TCHP: variants seen among roughly 807,000 people sequenced by gnomAD.
TCHP encodes trichoplein keratin filament-binding protein.
In TCHP, 81 loss-of-function variants were observed where a neutral mutation model predicts 88.7. The ratio of observed to expected loss-of-function variants is 0.91; its 90% CI spans 0.76 to 1.10. The LOEUF (loss-of-function observed/expected upper bound fraction) is 1.10. Ranked by LOEUF, TCHP falls within the 50% of genes least tolerant of loss-of-function variation. The pLI is 0.00. For missense variants in TCHP, 641 were observed against 632.1 expected, an observed-to-expected ratio of 1.01 and a Z score of -0.15; for synonymous variants, 232 against 232.5, an observed-to-expected ratio of 1.00 and a Z score of 0.02.
Position 109,913,076 on chromosome 12 carries a change from A to G in TCHP, c.1134+4A>G, listed in dbSNP as rs199933660. 2.2e-3 allele frequency: 3,517 copies of G among 1,613,700 alleles called. 14 individuals carry two copies. The highest frequency in any genetic ancestry group is 2.6e-3 in the South Asian group (241 of 91,082). On this transcript the variant is annotated splice_donor_region_variant and intron_variant, in intron 10 of 12. Transcript: ENST00000405876. ...ACGGGACAGACTGATGAGCGAGGTA[A>G]TCCCAGCTGCGGCGATGTGGACCGG...
At chr12:109,891,628 T>G in the TCHP span, among the ~76,000 whole-genome samples, 1 of 152,196 alleles carries the variant, frequency 6.6e-6, no homozygotes, top group Non-Finnish European at 1.5e-5. Context: ...CTTGAATTTC[T>G]GACCTCAAGT....
chr12:109,884,038 C>T, the TCHP span, among the ~76,000 whole-genome samples: 1 of 152,044 alleles, frequency 6.6e-6, no homozygotes, highest in African/African-American at 2.4e-5. Context: ...ATCAAAAGGG[C>T]ACTATTAGTC....
At position 109,908,873 on chromosome 12, in the gene TCHP, G is replaced by A. The variant is rs774352237; in HGVS notation, c.815G>A (p.Arg272His). Residue 272 changes from arginine (R) to histidine (H), a missense_variant and splice_region_variant, in exon 8 of 13, where the codon CGT becomes CAT. Arg to His is a conservative substitution (Grantham distance 29). Transcript: ENST00000405876. The stretch of plus-strand genomic sequence containing the variant: ...GCCCACATTTGATTCTCCTTCAGGC[G>A]TTTCTTGAGACATCAGTATAACGCT... Reference protein sequence around the residue: ...EAFRQKAELGRFLRHQYNAQL... With the variant: ...EAFRQKAELGHFLRHQYNAQL... The A allele has an allele frequency of 1.4e-5, 22 of 1,614,048 alleles. No homozygotes were observed. The highest frequency in any genetic ancestry group is 1.6e-4 in the Middle Eastern group (1 of 6,084).
intron 9 of TCHP, 33 bp downstream of exon 9, chr12:109,911,268 C>T (rs1467210063): frequency 7.7e-7 from 1 of 1,291,782 alleles, no homozygotes; most frequent in East Asian, 2.5e-5. Flanking sequence ...GCTGGATGCT[C>T]CTGGCCTCAA....
At position 109,903,144 on chromosome 12, in the gene TCHP, T is replaced by C. The variant is rs777916574; in HGVS notation, c.118T>C (p.Tyr40His). 3 of 1,614,048 alleles carry C rather than the reference T, an allele frequency of 1.9e-6. No homozygotes were observed. The highest frequency in any genetic ancestry group is 2.5e-6 in the Non-Finnish European group (3 of 1,179,922). Residue 40 changes from tyrosine to histidine, a missense_variant, in exon 2 of 13, where the codon TAC becomes CAC. Transcript: ENST00000405876. The surrounding 1 kb of genome is among the most constrained non-coding windows in gnomAD (Gnocchi z 4.6). ...GCAGCAGTGGGAGCAGAACAGCCGTTACTTCAGGATGTCTGACATCTGCAG... is the reference window on the plus strand; with the variant it reads ...GCAGCAGTGGGAGCAGAACAGCCGTCACTTCAGGATGTCTGACATCTGCAG... ...LRQQWEQNSR[Y>H]FRMSDICSSK...
chr12:109,912,508 G>T (rs1870564408), intron 9 of TCHP, among the ~76,000 whole-genome samples: 1 of 152,132 alleles, frequency 6.6e-6, no homozygotes, highest in Admixed American at 6.5e-5. Context: ...ACTTCCAACA[G>T]GGCCAGGCAC....
chr12:109,911,302 T>C, intron 9 of TCHP, 67 bp downstream of exon 9: 1 of 816,216 alleles, frequency 1.2e-6, no homozygotes, highest in Non-Finnish European at 1.9e-6. Flanking sequence ...AAATGCCCCA[T>C]GGGTCACCTG....
chr12:109,913,542 C>G (rs564280055), intron 10 of TCHP, among the ~76,000 whole-genome samples: 41 of 152,322 alleles, frequency 2.7e-4, no homozygotes, highest in African/African-American at 9.9e-4. Context: ...CAGAGAGCCT[C>G]TTGGTGCCTG....
chr12:109,901,439 T>G lies in TCHP; in HGVS notation c.-1+1013T>G, dbSNP rs755037955. ...ATGAACTCCATCTGGTTCCCTCATT[T>G]ACAAGACATCAAGGACTCCTTACCC... is the stretch of plus-strand genomic sequence containing the variant. On this transcript the variant is annotated intron_variant, in intron 1 of 12. Coordinates refer to ENST00000405876, the MANE Select transcript of TCHP (RefSeq NM_001143852.2). 9.0e-4 allele frequency among the ~76,000 whole-genome samples: 135 copies of G among 150,806 alleles called. 1 individual carries two copies. Among genetic ancestry groups the G allele is most frequent in the Non-Finnish European group, 1.8e-3 (122 of 67,894 alleles).
At chr12:109,902,923 T>G in intron 1 of TCHP, 104 bp from the exon 2 acceptor site, 1 of 804,656 alleles carries the variant, frequency 1.2e-6, no homozygotes, top group Non-Finnish European at 1.9e-6. Context: ...TTGATTTCAC[T>G]GTGCAGCCAA....
At position 109,908,560 on chromosome 12, in the gene TCHP, C is replaced by T. The variant is rs201176342; in HGVS notation, c.700-26C>T. The T allele has an allele frequency of 7.1e-4, 1,105 of 1,557,206 alleles. 5 individuals are homozygous for T. The highest frequency in any genetic ancestry group is 1.8e-4 in the Non-Finnish European group (203 of 1,143,368). ...GATTCCCACGATCTCAGATCTCAGT[C>T]GAGCTTACTCTCATCATCACCACAG... On this transcript the variant is annotated intron_variant, in intron 6 of 12. Transcript: ENST00000405876.
At chr12:109,901,026 CTA>C (rs1161767212) in intron 1 of TCHP, 1 of 152,288 alleles carries the variant, frequency 6.6e-6, no homozygotes, top group African/African-American at 2.4e-5. Flanking sequence ...ATTCCTCTCT[CTA>C]GGTCTCAGCT....
intron 6 of TCHP, 79 bp from the exon 7 acceptor site, chr12:109,908,507 A>C: frequency 7.8e-7 from 1 of 1,278,316 alleles, no homozygotes. Flanking sequence ...GTCTGCGAAA[A>C]ATGGAGATGG....
rs765832523 is a variant in TCHP, at chr12:109,905,543, G to A, written c.456+750G>A. Among the ~76,000 whole-genome samples the A allele has an allele frequency of 1.2e-4, 19 of 152,362 alleles. No homozygotes were observed. The highest frequency in any genetic ancestry group is 2.5e-4 in the Non-Finnish European group (17 of 68,034). On this transcript the variant is annotated intron_variant, in intron 4 of 12. Coordinates refer to ENST00000405876, the MANE Select transcript of TCHP (RefSeq NM_001143852.2). This position sits in a 1 kb window ranked among gnomAD's most constrained non-coding sequence, Gnocchi z 4.0. Reference sequence around the variant, plus strand: ...TGAAGGCCTGAACTGGGCTGGCAGGGGAGGGGGTGGCCTCTTGGCTTGGTG... The same window carrying A: ...TGAAGGCCTGAACTGGGCTGGCAGGAGAGGGGGTGGCCTCTTGGCTTGGTG...
At chr12:109,915,193 T>TA (rs1194521238) in intron 11 of TCHP, 2 of 657,138 alleles carry the variant, frequency 3.0e-6, no homozygotes, top group Non-Finnish European at 5.2e-6. Flanking sequence ...GCGCCACGCA[T>TA]ACAGCCTCTC....
chr12:109,889,665 G>A, the TCHP span, among the ~76,000 whole-genome samples: 1 of 152,226 alleles, frequency 6.6e-6, no homozygotes, highest in Non-Finnish European at 1.5e-5. Context: ...GGGCTGATGT[G>A]AGATTTCAAT....
Position 109,903,388 on chromosome 12 carries a change from G to T in TCHP, c.188+174G>T, listed in dbSNP as rs144533464. Among the ~76,000 whole-genome samples, 370 of 152,292 alleles carry T rather than the reference G, an allele frequency of 2.4e-3. 3 individuals are homozygous for T. The highest frequency in any genetic ancestry group is 8.6e-3 in the African/African-American group (359 of 41,554). On this transcript the variant is annotated intron_variant, in intron 2 of 12. Coordinates refer to ENST00000405876, the MANE Select transcript of TCHP (RefSeq NM_001143852.2). This position sits in a 1 kb window ranked among gnomAD's most constrained non-coding sequence, Gnocchi z 4.6. ...AGATCATCAGTGCAGCCATACATTGGCATTGAAAAAGATAAAATGATGCAG... is the reference window on the plus strand; with the variant it reads ...AGATCATCAGTGCAGCCATACATTGTCATTGAAAAAGATAAAATGATGCAG...
the TCHP span, among the ~76,000 whole-genome samples, chr12:109,890,834 C>T: frequency 3.3e-5 from 5 of 152,088 alleles, no homozygotes; most frequent in East Asian, 1.9e-4. Flanking sequence ...CATTCAGTTC[C>T]GCAATCACTA....
At chr12:109,886,745 G>T in the TCHP span, among the ~76,000 whole-genome samples, 39 of 152,128 alleles carry the variant, frequency 2.6e-4, no homozygotes, top group Middle Eastern at 3.4e-3. Context: ...GTCTTGCTTT[G>T]TTGCCCAGGC....
Sources: gnomAD v4.1 joint callset for allele counts (sites outside exome capture counted in the v4.1 genomes callset) on GRCh38, gnomAD v4.1.1 for gene constraint, Gnocchi (gnomAD v3.1) non-coding constraint, MANE v1.5 for transcripts, NCBI Gene and HGNC (gene_info 2026-07-23, HGNC 2026-07-21) for gene names.